Variants in L3MBTL4 observed in about 807,000 individuals in gnomAD.
L3MBTL4 encodes L3MBTL histone methyl-lysine binding protein 4, also known as lethal(3)malignant brain tumor-like protein 4.
L3MBTL4 carries 70 observed loss-of-function variants against 84.5 expected under a neutral mutation model. The observed-to-expected ratio is 0.83, with a 90% CI of 0.68 to 1.01. The LOEUF is 1.01. Among genes scored for constraint, L3MBTL4 ranks in the 50% least tolerant of loss-of-function variants. The probability of loss-of-function intolerance (pLI) is 0.00; values close to 1 mark genes in which losing one functional copy is unlikely to be tolerated. For synonymous variants in L3MBTL4, 274 were observed against 259.8 expected (o/e 1.05, Z -0.52); for missense variants, 715 against 754.8 (o/e 0.95, Z 0.62).
intron 16 of L3MBTL4, among the ~76,000 whole-genome samples, chr18:5,994,905 C>A (rs1320571464): frequency 6.6e-6 from 1 of 152,180 alleles, no homozygotes; most frequent in East Asian, 1.9e-4. Context: ...ATTTATATGC[C>A]TTTACAAATG....
At chr18:6,239,080 G>T in intron 9 of L3MBTL4, among the ~76,000 whole-genome samples, 1 of 151,990 alleles carries the variant, frequency 6.6e-6, no homozygotes, top group Non-Finnish European at 1.5e-5. Flanking sequence ...GGTGGCTCAC[G>T]CCTGTAATCC....
chr18:6,387,784 C>T (rs1568590400), intron 1 of L3MBTL4, among the ~76,000 whole-genome samples: 1 of 152,130 alleles, frequency 6.6e-6, no homozygotes, highest in Non-Finnish European at 1.5e-5. Context: ...AGCCCCTAAT[C>T]GTGATGAGTA....
chr18:6,084,429 A>AG (rs2058188711), intron 15 of L3MBTL4, among the ~76,000 whole-genome samples: 1 of 152,172 alleles, frequency 6.6e-6, no homozygotes, highest in Admixed American at 6.6e-5. Flanking sequence ...TAAAAAAAAA[A>AG]TGGTCCATAA....
At chr18:6,307,399 T>G (rs1452408480) in intron 3 of L3MBTL4, among the ~76,000 whole-genome samples, 1 of 146,624 alleles carries the variant, frequency 6.8e-6, no homozygotes, top group African/African-American at 2.6e-5. Flanking sequence ...ATTGCGCCAC[T>G]GCACTCCAGC....
At chr18:6,180,777 G>GTA (rs2044432034) in intron 12 of L3MBTL4, among the ~76,000 whole-genome samples, 1 of 152,168 alleles carries the variant, frequency 6.6e-6, no homozygotes, top group Admixed American at 6.5e-5. Flanking sequence ...GTCAAAATCT[G>GTA]TATTTTTTAA....
At chr18:6,142,410 A>G (rs1179904044) in intron 13 of L3MBTL4, among the ~76,000 whole-genome samples, 1 of 152,222 alleles carries the variant, frequency 6.6e-6, no homozygotes, top group Admixed American at 6.5e-5. Flanking sequence ...TTAGGTCCCA[A>G]TGTGTCATGA....
intron 14 of L3MBTL4, among the ~76,000 whole-genome samples, chr18:6,110,685 G>T (rs1300567783): frequency 6.6e-6 from 1 of 151,904 alleles, no homozygotes. Flanking sequence ...TGTGTATTGT[G>T]CAGGATGTGA....
chr18:6,038,371 AGCCTCC>A (rs2056240739), intron 16 of L3MBTL4, among the ~76,000 whole-genome samples: 1 of 148,830 alleles, frequency 6.7e-6, no homozygotes, highest in Non-Finnish European at 1.5e-5. Context: ...CTCCTGCCTC[AGCCTCC>A]GGAGTAGTTG....
At chr18:6,329,456 T>C (rs1173807884) in intron 1 of L3MBTL4, among the ~76,000 whole-genome samples, 2 of 152,218 alleles carry the variant, frequency 1.3e-5, no homozygotes, top group Non-Finnish European at 2.9e-5. Context: ...CCCAGCCTTC[T>C]GTTTCTTTTT....
chr18:6,302,071 C>T (rs961729373), intron 3 of L3MBTL4, 114 bp from the exon 4 acceptor site: 12 of 882,456 alleles, frequency 1.4e-5, no homozygotes, highest in Admixed American at 6.8e-5. Context: ...GTCACTGAGG[C>T]GGACAACGCA....
intron 1 of L3MBTL4, among the ~76,000 whole-genome samples, chr18:6,384,339 T>A (rs2054725290): frequency 6.6e-6 from 1 of 152,016 alleles, no homozygotes; most frequent in African/African-American, 2.4e-5. Flanking sequence ...TACAGACACA[T>A]CCATATACAT....
intron 14 of L3MBTL4, among the ~76,000 whole-genome samples, chr18:6,137,444 T>C (rs949908994): frequency 6.6e-6 from 1 of 152,210 alleles, no homozygotes; most frequent in African/African-American, 2.4e-5. Flanking sequence ...TATGCTTAGA[T>C]CCTTTATTCA....
chr18:6,052,358 A>C (rs916372565), intron 16 of L3MBTL4, among the ~76,000 whole-genome samples: 2 of 152,260 alleles, frequency 1.3e-5, no homozygotes, highest in Non-Finnish European at 2.9e-5. Flanking sequence ...TTTCTGAATC[A>C]CAAAGCAATA....
At chr18:6,352,818 A>G (rs536753012) in intron 1 of L3MBTL4, among the ~76,000 whole-genome samples, 1 of 152,380 alleles carries the variant, frequency 6.6e-6, no homozygotes, top group Non-Finnish European at 1.5e-5. Context: ...CAAAAGTGGA[A>G]GAAACTGAAA....
At chr18:6,385,039 G>A (rs1330575146) in intron 1 of L3MBTL4, among the ~76,000 whole-genome samples, 3 of 152,136 alleles carry the variant, frequency 2.0e-5, no homozygotes, top group African/African-American at 7.2e-5. Flanking sequence ...ATTTGGATAC[G>A]GAAGGGAGAG....
At chr18:6,383,683 T>C (rs917464773) in intron 1 of L3MBTL4, among the ~76,000 whole-genome samples, 3 of 152,146 alleles carry the variant, frequency 2.0e-5, no homozygotes, top group Admixed American at 6.5e-5. Context: ...GGTACCTCAG[T>C]TGGAAATGCA....
chr18:5,971,290 TGACACAGAAATGATCAA>T (rs2052630252), intron 16 of L3MBTL4, among the ~76,000 whole-genome samples: 1 of 152,164 alleles, frequency 6.6e-6, no homozygotes, highest in African/African-American at 2.4e-5. Flanking sequence ...GCAGTTGCAG[TGACACAGAAATGATCAA>T]GACCTTGCTG....
chr18:6,060,772 T>G (rs1004375040), intron 16 of L3MBTL4, among the ~76,000 whole-genome samples: 31 of 152,286 alleles, frequency 2.0e-4, no homozygotes, highest in African/African-American at 7.5e-4. Context: ...TGTAGCCCTT[T>G]CAGGCTGGCT....
intron 16 of L3MBTL4, among the ~76,000 whole-genome samples, chr18:5,981,243 G>C (rs2053196462): frequency 6.6e-6 from 1 of 152,140 alleles, no homozygotes; most frequent in Non-Finnish European, 1.5e-5. Flanking sequence ...ATTAAGGCTA[G>C]TCTTCTTTGT....
Sources: allele counts gnomAD v4.1 joint callset (sites outside exome capture counted in the v4.1 genomes callset), GRCh38; gene constraint gnomAD v4.1.1; transcripts MANE v1.5; gene names NCBI Gene and HGNC (gene_info 2026-07-23, HGNC 2026-07-21).